The following SGIP1 variants were observed in gnomAD, a reference collection of about 807,000 sequenced individuals.
SGIP1 encodes the protein SH3-containing GRB2-like protein 3-interacting protein 1.
Under a neutral mutation model 107.5 loss-of-function variants are expected in SGIP1, and 38 were observed. The ratio of observed to expected loss-of-function variants is 0.35; its 90% CI spans 0.27 to 0.46. SGIP1 has a LOEUF of 0.46. Ranked by LOEUF, SGIP1 falls within the 20% of genes least tolerant of loss-of-function variation. The pLI, the probability that SGIP1 is intolerant of heterozygous loss-of-function variation, is 1.00. For synonymous variants in SGIP1, 365 were observed against 366.1 expected, an observed-to-expected ratio of 1.00 and a Z score of 0.03; for missense variants, 929 against 1,019.5, an observed-to-expected ratio of 0.91 and a Z score of 1.21.
intron 19 of SGIP1, among the ~76,000 whole-genome samples, chr1:66,722,706 A>AGTGGGAGTTAAGAAGC (rs1423073280): frequency 6.6e-6 from 1 of 152,194 alleles, no homozygotes; most frequent in Non-Finnish European, 1.5e-5. Flanking sequence ...GCCGTTATTA[A>AGTGGGAGTTAAGAAGC]CGTATTTTTT....
At chr1:66,700,709 T>G (rs1398970757) in intron 18 of SGIP1, among the ~76,000 whole-genome samples, 1 of 152,210 alleles carries the variant, frequency 6.6e-6, no homozygotes, top group African/African-American at 2.4e-5. Context: ...AATCCTCTTT[T>G]TGGAAATATA....
intron 1 of SGIP1, among the ~76,000 whole-genome samples, chr1:66,591,874 G>T (rs144031927): frequency 3.3e-4 from 51 of 152,328 alleles, no homozygotes; most frequent in African/African-American, 1.2e-3. Flanking sequence ...GAAAAGTGCT[G>T]TGCCTCCATG....
chr1:66,742,294 T>C (rs889960804), intron 24 of SGIP1, among the ~76,000 whole-genome samples: 9 of 152,102 alleles, frequency 5.9e-5, no homozygotes, highest in Admixed American at 1.3e-4. Context: ...TGTTTTTCAA[T>C]TGGGGGAGAG....
At chr1:66,664,783 A>G (rs973084592) in intron 8 of SGIP1, among the ~76,000 whole-genome samples, 2 of 151,270 alleles carry the variant, frequency 1.3e-5, no homozygotes, top group African/African-American at 4.9e-5. Context: ...TAGCGCACAT[A>G]TTGAAAGGGA....
chr1:66,707,026 A>G (rs1434695234), intron 18 of SGIP1, among the ~76,000 whole-genome samples: 2 of 152,138 alleles, frequency 1.3e-5, no homozygotes, highest in East Asian at 3.8e-4. Flanking sequence ...GAGTAGTAGA[A>G]ATAACATTTT....
chr1:66,665,107 A>T (rs2082261360), intron 8 of SGIP1, among the ~76,000 whole-genome samples: 1 of 152,058 alleles, frequency 6.6e-6, no homozygotes, highest in African/African-American at 2.4e-5. Flanking sequence ...ATTTCTCCTA[A>T]TTCTATCCCT....
At chr1:66,634,816 T>C (rs1167903974) in intron 3 of SGIP1, among the ~76,000 whole-genome samples, 1 of 152,206 alleles carries the variant, frequency 6.6e-6, no homozygotes, top group Non-Finnish European at 1.5e-5. Context: ...GGTTTTACCA[T>C]TTAGAAATGT....
At position 66,645,555 on chromosome 1, in the gene SGIP1, C is replaced by G. The variant is rs2149516711; in HGVS notation, c.459+1836C>G. 2.0e-5 allele frequency among the ~76,000 whole-genome samples: 3 copies of G among 152,290 alleles called. No individual in the cohort carries two copies. The South Asian group carries it at 6.2e-4, about 32-fold the overall frequency. On this transcript the variant is annotated intron_variant, in intron 7 of 24. Transcript: ENST00000371037. ...CTGTTTCTGCAAACCAACAACGCCA[C>G]AGACCAAGGGACCCTCAGCTCCCAT...
chr1:66,680,910 A>T (rs1268230977), intron 14 of SGIP1, among the ~76,000 whole-genome samples: 1 of 152,200 alleles, frequency 6.6e-6, no homozygotes, highest in Non-Finnish European at 1.5e-5. Context: ...TCAGTTTTTA[A>T]AAAGTGCAGT....
chr1:66,669,840 G>T (rs1422072004), intron 9 of SGIP1, among the ~76,000 whole-genome samples: 1 of 152,102 alleles, frequency 6.6e-6, no homozygotes, highest in Non-Finnish European at 1.5e-5. Flanking sequence ...TTCAAAATGG[G>T]ACAGAAAATG....
intron 19 of SGIP1, among the ~76,000 whole-genome samples, chr1:66,720,115 G>A (rs1170440389): frequency 1.3e-5 from 2 of 152,114 alleles, no homozygotes; most frequent in African/African-American, 4.8e-5. Context: ...TCCATGGATA[G>A]GATTCAGAAA....
intron 2 of SGIP1, among the ~76,000 whole-genome samples, chr1:66,630,871 GAAA>G: frequency 2.5e-5 from 1 of 40,618 alleles, no homozygotes; most frequent in African/African-American, 1.2e-4. Context: ...AAGAAAGAAA[GAAA>G]GAAAGAAAGA....
At chr1:66,545,182 CT>C (rs2148133473) in intron 1 of SGIP1, among the ~76,000 whole-genome samples, 1 of 152,320 alleles carries the variant, frequency 6.6e-6, no homozygotes, top group East Asian at 1.9e-4. Flanking sequence ...GTTTACCATG[CT>C]TCTAAGATGA....
At chr1:66,728,385 A>C (rs2093855858) in intron 19 of SGIP1, among the ~76,000 whole-genome samples, 1 of 152,252 alleles carries the variant, frequency 6.6e-6, no homozygotes, top group Non-Finnish European at 1.5e-5. Context: ...TTCTACAGAA[A>C]GAGAAAAGCT....
At chr1:66,534,130 C>CA, upstream of SGIP1, 1 of 594,904 alleles carries the variant, frequency 1.7e-6, no homozygotes, top group Non-Finnish European at 3.0e-6. Flanking sequence ...GCCAGCTTGC[C>CA]GTTCCTCTCC....
At chr1:66,559,289 C>T (rs752641290) in intron 1 of SGIP1, among the ~76,000 whole-genome samples, 3 of 152,046 alleles carry the variant, frequency 2.0e-5, no homozygotes, top group Non-Finnish European at 1.5e-5. Flanking sequence ...AGCTGACAGG[C>T]TTGCCATTTT....
In SGIP1 at chr1:66,744,145, T is replaced by A. The variant is rs981022701; in HGVS notation, c.*1050T>A. Reference sequence around the variant, plus strand: ...GGGAAAAAAAAGTCCACTGTTTAGATCCAGAAGGAGAGTTTTAATCATTGT... The same window carrying A: ...GGGAAAAAAAAGTCCACTGTTTAGAACCAGAAGGAGAGTTTTAATCATTGT... On this transcript the variant is annotated 3_prime_UTR_variant, in exon 25 of 25. Coordinates refer to ENST00000371037, the MANE Select transcript of SGIP1 (RefSeq NM_032291.4). 2 of 152,148 alleles carry A rather than the reference T, an allele frequency of 1.3e-5. No individual in the cohort carries two copies. Among genetic ancestry groups the A allele is most frequent in the African/African-American group, 2.4e-5 (1 of 41,460 alleles). The allele number at this position is 152,148 out of a possible 1,614,324, so 9.4% of individuals were successfully genotyped here. A position where few individuals can be genotyped will look rare whatever the true frequency, so the allele number is the denominator to read the frequency against.
intron 1 of SGIP1, among the ~76,000 whole-genome samples, chr1:66,602,808 T>G (rs1230205801): frequency 3.9e-5 from 6 of 152,174 alleles, no homozygotes; most frequent in Non-Finnish European, 8.8e-5. Context: ...AGAGAGATTC[T>G]TTTCTTGTAG....
At chr1:66,632,702 G>A (rs115710288) in intron 2 of SGIP1, among the ~76,000 whole-genome samples, 1,830 of 152,264 alleles carry the variant, frequency 0.012, 40 homozygotes, top group African/African-American at 0.042. Context: ...CCTCATGATA[G>A]TTTTAAATGG....
Sources: gnomAD v4.1 joint callset for allele counts (sites outside exome capture counted in the v4.1 genomes callset) on GRCh38, gnomAD v4.1.1 for gene constraint, MANE v1.5 for transcripts, NCBI Gene and HGNC (gene_info 2026-07-23, HGNC 2026-07-21) for gene names.